SPATA16: variants seen among roughly 807,000 people sequenced by gnomAD.
SPATA16 encodes the protein spermatogenesis-associated protein 16.
A neutral mutation model predicts 63.3 loss-of-function variants in SPATA16; 36 were observed. The ratio of observed to expected loss-of-function variants is 0.57; its 90% CI spans 0.44 to 0.75. SPATA16 has a LOEUF of 0.75. SPATA16 is among the 30% of genes least tolerant of loss of function. The pLI is 0.00. For missense variants in SPATA16, 646 were observed against 679.3 expected, an observed-to-expected ratio of 0.95 and a Z score of 0.54; for synonymous variants, 203 against 216.7, an observed-to-expected ratio of 0.94 and a Z score of 0.56.
chr3:172,913,668 A>T lies in SPATA16; in HGVS notation c.1580T>A (p.Ile527Asn). ...RNNNERVWNM[I>N]QKVGQIEDFL... is the part of the protein sequence containing the mutation. ...TTCAGCTCAAAGTTTTACCTTTTGG[A>T]TCATATTCCACACACGTTCATTATT... The change falls in exon 10 of 11, where the codon ATC becomes AAC. Residue 527 changes from isoleucine (I) to asparagine (N), a missense_variant. Physicochemically the swap from Ile to Asn is moderately radical, Grantham distance 149. Transcript: ENST00000351008. 6.2e-7 allele frequency: 1 copy of T among 1,613,582 alleles called. No homozygotes were observed. Among genetic ancestry groups the T allele is most frequent in the Non-Finnish European group, 8.5e-7 (1 of 1,179,640 alleles).
At chr3:173,137,581 T>C (rs1738580554) in intron 1 of SPATA16, among the ~76,000 whole-genome samples, 1 of 152,198 alleles carries the variant, frequency 6.6e-6, no homozygotes, top group Admixed American at 6.5e-5. Flanking sequence ...ATAAATGGTG[T>C]CAATTTCAAT....
intron 10 of SPATA16, among the ~76,000 whole-genome samples, chr3:172,909,606 G>A (rs1277205787): frequency 6.6e-6 from 1 of 152,136 alleles, no homozygotes; most frequent in African/African-American, 2.4e-5. Context: ...CCACGTGAGT[G>A]AACCATCTTG....
At chr3:172,906,966 A>T (rs1373142145) in intron 10 of SPATA16, among the ~76,000 whole-genome samples, 1 of 152,156 alleles carries the variant, frequency 6.6e-6, no homozygotes. Flanking sequence ...GATGTACATT[A>T]TACTTTTTAC....
chr3:172,920,519 G>C (rs1269198091), intron 8 of SPATA16, among the ~76,000 whole-genome samples: 1 of 152,202 alleles, frequency 6.6e-6, no homozygotes, highest in Non-Finnish European at 1.5e-5. Flanking sequence ...TTGGTTGAGA[G>C]TAAGTTGCTA....
chr3:172,938,945 G>A (rs1370989719), intron 6 of SPATA16, among the ~76,000 whole-genome samples: 2 of 150,958 alleles, frequency 1.3e-5, no homozygotes, highest in Admixed American at 6.6e-5. Context: ...GGGGTCTGGA[G>A]GAAGTCACAC....
chr3:172,994,996 A>T (rs1204718020), intron 4 of SPATA16, among the ~76,000 whole-genome samples: 1 of 152,114 alleles, frequency 6.6e-6, no homozygotes, highest in Non-Finnish European at 1.5e-5. Flanking sequence ...ATGGTGCTTG[A>T]ATATAAAAGG....
intron 6 of SPATA16, among the ~76,000 whole-genome samples, chr3:172,930,911 C>A (rs531126940): frequency 2.6e-5 from 4 of 152,028 alleles, no homozygotes; most frequent in African/African-American, 9.7e-5. Context: ...CTCACTGCAA[C>A]CTCTACCTTC....
chr3:172,987,569 G>T (rs965739187), intron 4 of SPATA16, among the ~76,000 whole-genome samples: 3 of 152,136 alleles, frequency 2.0e-5, no homozygotes, highest in African/African-American at 7.2e-5. Context: ...TTAACGTTTT[G>T]TGGGATCAAA....
At chr3:172,919,276 G>C (rs1732568006) in intron 8 of SPATA16, among the ~76,000 whole-genome samples, 1 of 152,196 alleles carries the variant, frequency 6.6e-6, no homozygotes, top group African/African-American at 2.4e-5. Flanking sequence ...GTGCCATCCA[G>C]TAGCATGTGA....
At chr3:172,905,250 A>G (rs12634917) in intron 10 of SPATA16, among the ~76,000 whole-genome samples, 14,654 of 152,116 alleles carry the variant, frequency 0.096, 799 homozygotes, top group African/African-American at 0.14. Context: ...TCCTTAAAGA[A>G]CAAGACACAC....
At chr3:172,905,501 C>T (rs1732213883) in intron 10 of SPATA16, among the ~76,000 whole-genome samples, 1 of 152,196 alleles carries the variant, frequency 6.6e-6, no homozygotes, top group South Asian at 2.1e-4. Flanking sequence ...CCCTCTACCT[C>T]CTCAACCAAC....
At chr3:173,051,378 A>AT (rs1175831964) in intron 2 of SPATA16, among the ~76,000 whole-genome samples, 4 of 151,784 alleles carry the variant, frequency 2.6e-5, no homozygotes, top group African/African-American at 4.8e-5. Flanking sequence ...AATTTTTTGT[A>AT]TTTTTAGTAG....
chr3:172,992,976 C>T (rs1206305222), intron 4 of SPATA16, among the ~76,000 whole-genome samples: 1 of 152,132 alleles, frequency 6.6e-6, no homozygotes, highest in African/African-American at 2.4e-5. Context: ...AGCAATTACA[C>T]CTAAAATACA....
chr3:173,129,632 TTGA>T (rs1272243571), intron 1 of SPATA16, among the ~76,000 whole-genome samples: 1 of 151,882 alleles, frequency 6.6e-6, no homozygotes, highest in South Asian at 2.1e-4. Flanking sequence ...TGTTTAATTA[TTGA>T]TGACTTGTTT....
Position 173,098,127 on chromosome 3 carries a change from C to T in SPATA16, c.612+18993G>A, listed in dbSNP as rs1209207797. ...TGTTTATGGAATAATTCCACCAATCCTTCATCCCAGAAGTGAAAAAAAAAA... is the reference window on the plus strand; with the variant it reads ...TGTTTATGGAATAATTCCACCAATCTTTCATCCCAGAAGTGAAAAAAAAAA... On this transcript the variant is annotated intron_variant, in intron 2 of 10. Transcript: ENST00000351008. Among the ~76,000 whole-genome samples, 12 of 150,880 alleles carry T rather than the reference C, an allele frequency of 8.0e-5. No individual in the cohort carries two copies. The Admixed American group carries it at 8.0e-4, about 10-fold the overall frequency.
At chr3:172,947,992 C>A (rs1350438274) in intron 6 of SPATA16, among the ~76,000 whole-genome samples, 1 of 151,712 alleles carries the variant, frequency 6.6e-6, no homozygotes, top group African/African-American at 2.4e-5. Context: ...ATCTAGAAAA[C>A]AATCTCAAAA....
Position 173,067,097 on chromosome 3 carries a change from A to G in SPATA16, c.613-18003T>C, listed in dbSNP as rs117961837. Among the ~76,000 whole-genome samples, 202 of 152,218 alleles carry G rather than the reference A, an allele frequency of 1.3e-3. 6 individuals are homozygous for G. In the East Asian group the frequency reaches 0.036, roughly 27 times the overall value. On this transcript the variant is annotated intron_variant, in intron 2 of 10. Transcript: ENST00000351008. ...GATTTAGTGAGCTCAAAGGTAGTCT[A>G]TATTAAAATATACAATCAGACGAGA...
At position 172,953,549 on chromosome 3, in the gene SPATA16, C is replaced by T. The variant is rs564822466; in HGVS notation, c.1081+3128G>A. 9.1e-4 allele frequency among the ~76,000 whole-genome samples: 139 copies of T among 152,286 alleles called. 1 individual carries two copies. The highest frequency in any genetic ancestry group is 3.2e-3 in the African/African-American group (134 of 41,574). Reference sequence around the variant, plus strand: ...GGTTGGAGTACATACGAAGAAGCAACTACACCAATAAACAGAATGGAGAAC... The same window carrying T: ...GGTTGGAGTACATACGAAGAAGCAATTACACCAATAAACAGAATGGAGAAC... On this transcript the variant is annotated intron_variant, in intron 6 of 10. Transcript: ENST00000351008.
At position 172,913,541 on chromosome 3, in the gene SPATA16, G is replaced by C; in HGVS notation, c.1587+120C>G. 10 of 932,898 alleles carry C rather than the reference G, an allele frequency of 1.1e-5. No homozygotes were observed. The South Asian group carries it at 1.5e-4, about 14-fold the overall frequency. The allele number at this position is 932,898 out of a possible 1,614,324, so 57.8% of individuals were successfully genotyped here. ...GAGAGAGCTGCATTTAATTAAAAAAGGAAAACAAAAAAACAAACCAAAGAA... is the reference window on the plus strand; with the variant it reads ...GAGAGAGCTGCATTTAATTAAAAAACGAAAACAAAAAAACAAACCAAAGAA... On this transcript the variant is annotated intron_variant, in intron 10 of 10. Transcript: ENST00000351008.
Sources: allele counts gnomAD v4.1 joint callset (sites outside exome capture counted in the v4.1 genomes callset), GRCh38; gene constraint gnomAD v4.1.1; transcripts MANE v1.5; gene names NCBI Gene and HGNC (gene_info 2026-07-23, HGNC 2026-07-21).